DPYD: variants seen among roughly 807,000 people sequenced by gnomAD.
DPYD encodes dihydropyrimidine dehydrogenase.
A neutral mutation model predicts 116.2 loss-of-function variants in DPYD; 109 were observed. The ratio of observed to expected loss-of-function variants is 0.94; its 90% CI spans 0.80 to 1.10. The LOEUF is 1.10. Ranked by LOEUF, DPYD falls within the 50% of genes least tolerant of loss-of-function variation. The pLI is 0.00. For missense variants in DPYD, 1,302 were observed against 1,254.5 expected (o/e 1.04, Z -0.57); for synonymous variants, 440 against 432.0 (o/e 1.02, Z -0.23).
intron 18 of DPYD, among the ~76,000 whole-genome samples, chr1:97,269,487 G>A (rs774734790): frequency 2.3e-4 from 35 of 151,998 alleles, no homozygotes; most frequent in Non-Finnish European, 3.7e-4. Context: ...CACACTTCTC[G>A]GTACCAATTT....
chr1:97,287,287 G>A (rs1015022173), intron 18 of DPYD, among the ~76,000 whole-genome samples: 2 of 152,170 alleles, frequency 1.3e-5, no homozygotes, highest in Admixed American at 1.3e-4. Flanking sequence ...TCCTCTGGAA[G>A]TTCTGTCTCA....
chr1:97,521,447 T>G (rs1435139708), intron 12 of DPYD, among the ~76,000 whole-genome samples: 1 of 152,112 alleles, frequency 6.6e-6, no homozygotes, highest in African/African-American at 2.4e-5. Flanking sequence ...TTTCCACGGA[T>G]AGGAAGAATC....
intron 7 of DPYD, among the ~76,000 whole-genome samples, chr1:97,680,463 G>T (rs1241866527): frequency 1.3e-5 from 2 of 152,068 alleles, no homozygotes; most frequent in African/African-American, 2.4e-5. Context: ...TGGTATTATT[G>T]CTAGAGAAGT....
intron 20 of DPYD, among the ~76,000 whole-genome samples, chr1:97,133,304 T>A (rs1442888630): frequency 1.1e-4 from 16 of 152,098 alleles, no homozygotes. Flanking sequence ...TCTCCTTTTT[T>A]AATTGCTTTC....
At chr1:97,311,216 T>C (rs190091347) in intron 16 of DPYD, among the ~76,000 whole-genome samples, 108 of 151,912 alleles carry the variant, frequency 7.1e-4, no homozygotes, top group African/African-American at 2.5e-3. Flanking sequence ...TTTAAAAACA[T>C]TGTGAAAAGA....
chr1:97,434,526 C>T (rs1675360476), intron 14 of DPYD, among the ~76,000 whole-genome samples: 2 of 151,942 alleles, frequency 1.3e-5, no homozygotes, highest in Non-Finnish European at 2.9e-5. Context: ...TATTTACAAT[C>T]CAGTCTTGAT....
intron 14 of DPYD, among the ~76,000 whole-genome samples, chr1:97,394,669 A>G (rs1341516915): frequency 6.6e-6 from 1 of 152,082 alleles, no homozygotes; most frequent in Non-Finnish European, 1.5e-5. Context: ...AGTGGCACCA[A>G]TAGACTTGTT....
chr1:97,379,807 G>A (rs1671841568), intron 15 of DPYD, among the ~76,000 whole-genome samples: 1 of 152,208 alleles, frequency 6.6e-6, no homozygotes, highest in South Asian at 2.1e-4. Flanking sequence ...GGAGACTGAA[G>A]GAGCCAGTAG....
intron 8 of DPYD, among the ~76,000 whole-genome samples, chr1:97,619,951 A>G (rs968493515): frequency 6.6e-6 from 1 of 152,154 alleles, no homozygotes; most frequent in Non-Finnish European, 1.5e-5. Context: ...GATTCTAAAT[A>G]CAAAAAAGCT....
intron 13 of DPYD, among the ~76,000 whole-genome samples, chr1:97,491,084 A>G (rs1467579181): frequency 1.4e-5 from 2 of 148,060 alleles, no homozygotes; most frequent in Non-Finnish European, 3.0e-5. Context: ...TATAATATAT[A>G]AATATGTAAA....
chr1:97,690,587 G>A (rs554546150), intron 7 of DPYD, among the ~76,000 whole-genome samples: 10 of 151,940 alleles, frequency 6.6e-5, no homozygotes, highest in Middle Eastern at 3.4e-3. Flanking sequence ...TCAGAATACC[G>A]AATCTAATAG....
intron 20 of DPYD, among the ~76,000 whole-genome samples, chr1:97,162,578 G>T (rs1375502937): frequency 6.6e-6 from 1 of 152,042 alleles, no homozygotes; most frequent in Non-Finnish European, 1.5e-5. Context: ...TAGATTCAAT[G>T]CCATCCCCAT....
chr1:97,433,585 G>T (rs1268457275), intron 14 of DPYD, among the ~76,000 whole-genome samples: 1 of 152,108 alleles, frequency 6.6e-6, no homozygotes, highest in Non-Finnish European at 1.5e-5. Context: ...TATTAGGGTA[G>T]GAGTAATAAT....
chr1:97,821,452 C>T (rs1220657557), intron 3 of DPYD, among the ~76,000 whole-genome samples: 2 of 151,812 alleles, frequency 1.3e-5, no homozygotes, highest in Non-Finnish European at 1.5e-5. Context: ...GAAATCAAAT[C>T]CCTTTGGCAT....
chr1:97,194,016 A>G (rs1658571437), intron 19 of DPYD, among the ~76,000 whole-genome samples: 1 of 152,186 alleles, frequency 6.6e-6, no homozygotes, highest in Admixed American at 6.5e-5. Flanking sequence ...TATTTAGTTG[A>G]CAACTCACTT....
intron 20 of DPYD, among the ~76,000 whole-genome samples, chr1:97,099,172 T>C (rs1650483780): frequency 6.6e-6 from 1 of 152,114 alleles, no homozygotes; most frequent in South Asian, 2.1e-4. Context: ...TAACTAATGT[T>C]GATTGCAACT....
intron 7 of DPYD, among the ~76,000 whole-genome samples, chr1:97,682,174 A>G (rs1346828045): frequency 1.3e-5 from 2 of 152,030 alleles, no homozygotes; most frequent in African/African-American, 2.4e-5. Context: ...CTAATACACA[A>G]TAGTGTGCAA....
intron 19 of DPYD, among the ~76,000 whole-genome samples, chr1:97,200,406 A>C (rs1034393779): frequency 1.3e-5 from 2 of 152,186 alleles, no homozygotes; most frequent in African/African-American, 4.8e-5. Flanking sequence ...TTCTTCTGCA[A>C]TGGTTATCAC....
intron 13 of DPYD, among the ~76,000 whole-genome samples, chr1:97,467,122 T>C (rs1677374171): frequency 6.6e-6 from 1 of 152,208 alleles, no homozygotes; most frequent in Non-Finnish European, 1.5e-5. Context: ...CGTTCTCTCA[T>C]AGAAACTAAC....
Sources: allele counts gnomAD v4.1 joint callset (sites outside exome capture counted in the v4.1 genomes callset), GRCh38; gene constraint gnomAD v4.1.1; transcripts MANE v1.5; gene names NCBI Gene and HGNC (gene_info 2026-07-23, HGNC 2026-07-21).